Variants in CFAP61 observed in about 807,000 individuals in gnomAD.
CFAP61 encodes cilia and flagella associated protein 61.
CFAP61 carries 107 observed loss-of-function variants against 135.6 expected under a neutral mutation model. The observed-to-expected ratio is 0.79, with a 90% CI of 0.67 to 0.93. The LOEUF (loss-of-function observed/expected upper bound fraction) is 0.93, where lower values mean the gene tolerates loss of function less well. CFAP61 is among the 40% of genes least tolerant of loss of function. The pLI, the probability that CFAP61 is intolerant of heterozygous loss-of-function variation, is 0.00. For synonymous variants in CFAP61, 575 were observed against 578.5 expected (o/e 0.99, Z 0.09); for missense variants, 1,507 against 1,556.2 (o/e 0.97, Z 0.53).
chr20:20,325,591 A>G (rs6112864), intron 25 of CFAP61, among the ~76,000 whole-genome samples: 75,792 of 152,080 alleles, frequency 0.5, 19,230 homozygotes, highest in African/African-American at 0.58. Flanking sequence ...TTGTCTGGAT[A>G]TACCACAGTT....
Position 20,164,161 on chromosome 20 carries a change from A to G in CFAP61, c.1138A>G (p.Ile380Val). Residue 380 changes from isoleucine to valine, a missense_variant, in exon 11 of 27, where the codon ATC (isoleucine) becomes GTC (valine). By Grantham distance (29) the Ile-to-Val change is conservative. Coordinates refer to ENST00000245957, the MANE Select transcript of CFAP61 (RefSeq NM_015585.4). The stretch of plus-strand genomic sequence containing the variant: ...TGAAGAGCCCGTCCACTTCCGCCCC[A>G]TCTACAGGGGAGCCTCAGCTGCTTT... ...LPEEPVHFRPIYRGASAAFCI... is the reference protein window; with the variant it reads ...LPEEPVHFRPVYRGASAAFCI... 1 of 1,614,074 alleles carries G rather than the reference A, an allele frequency of 6.2e-7. No homozygotes were observed. The highest frequency in any genetic ancestry group is 8.5e-7 in the Non-Finnish European group (1 of 1,179,968).
intron 26 of CFAP61, among the ~76,000 whole-genome samples, chr20:20,347,225 C>A (rs1435519482): frequency 6.6e-6 from 1 of 152,082 alleles, no homozygotes; most frequent in African/African-American, 2.4e-5. Flanking sequence ...ATACAACATA[C>A]CAACATTTAT....
rs2146947038 is a variant in CFAP61, at chr20:20,228,247, A to G, written c.1933-2A>G. 1.3e-6 allele frequency: 2 copies of G among 1,593,442 alleles called. No individual in the cohort carries two copies. Among genetic ancestry groups the G allele is most frequent in the Non-Finnish European group, 1.7e-6 (2 of 1,164,474 alleles). ...TTCTTTGTCTTCGTATTTTTTTTCC[A>G]GATGAGTTATGCTTTAAACCATACA... On this transcript the variant is annotated splice_acceptor_variant, in intron 17 of 26. Transcript: ENST00000245957. LOFTEE classifies it high-confidence loss of function.
chr20:20,337,745 A>T (rs1335741371), intron 25 of CFAP61, among the ~76,000 whole-genome samples: 1 of 152,118 alleles, frequency 6.6e-6, no homozygotes, highest in Admixed American at 6.5e-5. Context: ...GGAAGAGGTC[A>T]TGGAGCACAG....
intron 13 of CFAP61, among the ~76,000 whole-genome samples, chr20:20,177,933 A>T (rs952149981): frequency 3.3e-5 from 5 of 152,142 alleles, no homozygotes; most frequent in African/African-American, 1.2e-4. Flanking sequence ...TTAAAAATGT[A>T]TCATGTTCTT....
chr20:20,087,817 C>G (rs1008213671), intron 6 of CFAP61, among the ~76,000 whole-genome samples: 2 of 152,024 alleles, frequency 1.3e-5, no homozygotes, highest in Non-Finnish European at 2.9e-5. Context: ...AGGATCCAGA[C>G]CCAGGCAGCC....
chr20:20,273,618 A>G (rs763761434), intron 21 of CFAP61, among the ~76,000 whole-genome samples: 1 of 152,270 alleles, frequency 6.6e-6, no homozygotes, highest in Non-Finnish European at 1.5e-5. Flanking sequence ...CTGGTCAGGA[A>G]ATAGTACTGT....
Position 20,356,139 on chromosome 20 carries a change from A to G in CFAP61, c.3514-4071A>G, listed in dbSNP as rs1297080895. On this transcript the variant is annotated intron_variant, in intron 26 of 26. Transcript: ENST00000245957. ...ACTGAGGGGAGGTAGTCACACTGAG[A>G]GGAGGTGGTCACACTGAGGGGAAGT... Among the ~76,000 whole-genome samples the G allele has an allele frequency of 2.4e-3, 143 of 58,590 alleles. 3 individuals are homozygous for G. The highest frequency in any genetic ancestry group is 6.2e-3 in the African/African-American group (101 of 16,258). 38.4% of individuals were successfully genotyped at this position (58,590 alleles called of 152,430 possible).
intron 20 of CFAP61, among the ~76,000 whole-genome samples, chr20:20,261,403 A>G (rs1334489610): frequency 6.6e-6 from 1 of 152,224 alleles, no homozygotes; most frequent in Non-Finnish European, 1.5e-5. Flanking sequence ...ATTGCCTGTC[A>G]TAACTCTAGG....
intron 2 of CFAP61, among the ~76,000 whole-genome samples, chr20:20,066,821 A>T (rs1453310462): frequency 6.6e-6 from 1 of 152,090 alleles, no homozygotes; most frequent in Non-Finnish European, 1.5e-5. Flanking sequence ...AAGTGTAATA[A>T]AAAATAAAAT....
intron 8 of CFAP61, among the ~76,000 whole-genome samples, chr20:20,135,065 G>C (rs527471736): frequency 6.6e-6 from 1 of 151,912 alleles, no homozygotes; most frequent in Non-Finnish European, 1.5e-5. Context: ...TGCTATCACA[G>C]GCATCCTGTG....
chr20:20,265,996 TG>T (rs1437284066), intron 21 of CFAP61, among the ~76,000 whole-genome samples: 2 of 152,276 alleles, frequency 1.3e-5, no homozygotes, highest in African/African-American at 4.8e-5. Flanking sequence ...CGTCCCCACC[TG>T]AGCCAAGAAC....
intron 18 of CFAP61, among the ~76,000 whole-genome samples, chr20:20,233,843 T>A (rs2049358098): frequency 6.6e-6 from 1 of 152,188 alleles, no homozygotes; most frequent in Non-Finnish European, 1.5e-5. Flanking sequence ...AGCAAAGCAA[T>A]CCACTTTGAG....
rs2050452408 is a variant in CFAP61 at position 20,246,289 on chromosome 20, T to C, written c.2159+74T>C. 5.3e-6 allele frequency: 5 copies of C among 948,114 alleles called. No individual in the cohort carries two copies. The Admixed American group carries it at 5.8e-5, about 11-fold the overall frequency. 58.7% of individuals were successfully genotyped at this position (948,114 alleles called of 1,614,324 possible). ...TGTGTGCAGTCTATTTAATGCTAAA[T>C]AGTAGATTTCAGATTGGAAAAGGAG... On this transcript the variant is annotated intron_variant, in intron 19 of 26. Coordinates refer to ENST00000245957, the MANE Select transcript of CFAP61 (RefSeq NM_015585.4).
intron 25 of CFAP61, among the ~76,000 whole-genome samples, chr20:20,305,595 G>A (rs2056424616): frequency 6.6e-6 from 1 of 152,164 alleles, no homozygotes; most frequent in South Asian, 2.1e-4. Flanking sequence ...ACGCTTCCCT[G>A]CGGCCGTGTG....
chr20:20,097,510 G>A (rs749108822), intron 7 of CFAP61, among the ~76,000 whole-genome samples: 13 of 152,136 alleles, frequency 8.5e-5, no homozygotes, highest in Admixed American at 3.3e-4. Flanking sequence ...AGTCACAGCC[G>A]TCTCTCCATG....
At chr20:20,277,143 T>TAGCGTTTTCCCTTCTTTCCTAGGGA in intron 21 of CFAP61, 23 bp from the exon 22 acceptor site, 1 of 1,575,706 alleles carries the variant, frequency 6.3e-7, no homozygotes, top group South Asian at 1.1e-5. Context: ...CTGTATATCT[T>TAGCGTTTTCCCTTCTTTCCTAGGGA]AGCGTTTTCC....
intron 8 of CFAP61, among the ~76,000 whole-genome samples, chr20:20,122,347 G>T (rs1015880900): frequency 2.0e-5 from 3 of 152,066 alleles, no homozygotes; most frequent in Non-Finnish European, 4.4e-5. Context: ...AGCAGAGATG[G>T]GGTTTCACCA....
At chr20:20,351,715 A>G (rs964399080) in intron 26 of CFAP61, among the ~76,000 whole-genome samples, 6 of 152,206 alleles carry the variant, frequency 3.9e-5, no homozygotes. Flanking sequence ...ACTGAGAGCT[A>G]TAAAACATTG....
Sources: gnomAD v4.1 joint callset for allele counts (sites outside exome capture counted in the v4.1 genomes callset) on GRCh38, gnomAD v4.1.1 for gene constraint, MANE v1.5 for transcripts, NCBI Gene and HGNC (gene_info 2026-07-23, HGNC 2026-07-21) for gene names.